The following SYN2 variants were observed in gnomAD, a reference collection of about 807,000 sequenced individuals.
SYN2 encodes synapsin II, also known as synapsin-2.
A neutral mutation model predicts 50.9 loss-of-function variants in SYN2; 19 were observed. The ratio of observed to expected loss-of-function variants is 0.37; its 90% confidence interval spans 0.26 to 0.55. SYN2 has a LOEUF of 0.55. Ranked by LOEUF, SYN2 falls within the 20% of genes least tolerant of loss-of-function variation. The probability of loss-of-function intolerance (pLI) is 0.81; values close to 1 mark genes in which losing one functional copy is unlikely to be tolerated. For synonymous variants in SYN2, 255 were observed against 224.9 expected, an observed-to-expected ratio of 1.13 and a Z score of -1.20; for missense variants, 587 against 576.4, an observed-to-expected ratio of 1.02 and a Z score of -0.19.
At chr3:12,183,562 G>C (rs1698272152) in intron 11 of SYN2, 190 bp downstream of exon 11, 1 of 1,512,300 alleles carries the variant, frequency 6.6e-7, no homozygotes, top group Non-Finnish European at 8.8e-7. Flanking sequence ...AATGCTGACT[G>C]GACTGTGTTT....
At chr3:12,129,888 G>C (rs1696756072) in intron 1 of SYN2, among the ~76,000 whole-genome samples, 1 of 152,126 alleles carries the variant, frequency 6.6e-6, no homozygotes, top group South Asian at 2.1e-4. Flanking sequence ...ATTAGGTTGA[G>C]ATGAGGTCAT....
chr3:12,080,844 G>A (rs934411088), intron 1 of SYN2, among the ~76,000 whole-genome samples: 2 of 152,250 alleles, frequency 1.3e-5, no homozygotes, highest in East Asian at 3.9e-4. Flanking sequence ...CTGAGTCCAA[G>A]TCCTGAATAT....
intron 1 of SYN2, among the ~76,000 whole-genome samples, chr3:12,114,658 C>T (rs1696390993): frequency 1.3e-5 from 2 of 151,834 alleles, no homozygotes; most frequent in African/African-American, 4.8e-5. Flanking sequence ...CTGTAAAATC[C>T]CTTCAACTCT....
At chr3:12,094,623 A>T (rs993990630) in intron 1 of SYN2, among the ~76,000 whole-genome samples, 2 of 152,204 alleles carry the variant, frequency 1.3e-5, no homozygotes, top group Non-Finnish European at 2.9e-5. Flanking sequence ...GGTGAGTGTA[A>T]TACCTACTCT....
At position 12,143,927 on chromosome 3, in the gene SYN2, G is replaced by A. The variant is rs1266588239; in HGVS notation, c.528-1752G>A. On this transcript the variant is annotated intron_variant, in intron 3 of 12. Transcript: ENST00000621198. ...CAACGATGTAAAAGCTTAAGTCCTC[G>A]AGTGGCCAAGGAAGGCTCCTTCAAC... is the stretch of plus-strand genomic sequence containing the variant. 5.9e-5 allele frequency among the ~76,000 whole-genome samples: 9 copies of A among 152,280 alleles called. No homozygotes were observed. In the South Asian group the frequency reaches 1.0e-3, roughly 18 times the overall value.
chr3:12,101,101 C>T (rs1302542694), intron 1 of SYN2, among the ~76,000 whole-genome samples: 2 of 152,148 alleles, frequency 1.3e-5, no homozygotes, highest in Non-Finnish European at 2.9e-5. Context: ...TCTAGAGTTA[C>T]CATATGATCC....
chr3:12,165,555 CACCT>C (rs146305046), intron 7 of SYN2: 171 of 152,302 alleles, frequency 1.1e-3, no homozygotes, highest in African/African-American at 3.9e-3. Flanking sequence ...AGAAAGTTAA[CACCT>C]ACAGACAGAA....
intron 1 of SYN2, among the ~76,000 whole-genome samples, chr3:12,102,726 A>T (rs1696103930): frequency 6.6e-6 from 1 of 152,132 alleles, no homozygotes; most frequent in Non-Finnish European, 1.5e-5. Context: ...AAAGTAGATG[A>T]CTGAGAGTTG....
At chr3:12,169,453 C>T (rs745795432) in intron 9 of SYN2, among the ~76,000 whole-genome samples, 6 of 152,192 alleles carry the variant, frequency 3.9e-5, no homozygotes, top group Non-Finnish European at 7.3e-5. Flanking sequence ...CAAACTTTTG[C>T]GCCCTGAGGC....
At chr3:12,142,861 C>T (rs544943900) in intron 3 of SYN2, among the ~76,000 whole-genome samples, 1 of 152,304 alleles carries the variant, frequency 6.6e-6, no homozygotes, top group East Asian at 1.9e-4. Context: ...CCAACAGGAA[C>T]TGGATTGGTG....
chr3:12,052,664 TAGG>T (rs1320630329), intron 1 of SYN2, among the ~76,000 whole-genome samples: 1 of 152,126 alleles, frequency 6.6e-6, no homozygotes, highest in African/African-American at 2.4e-5. Flanking sequence ...GATGGATTGG[TAGG>T]AGGAGAGACT....
chr3:12,180,350 A>G (rs1157333520), intron 10 of SYN2, among the ~76,000 whole-genome samples: 2 of 152,290 alleles, frequency 1.3e-5, no homozygotes, highest in East Asian at 1.9e-4. Context: ...GTTTGAATCA[A>G]TCCAACTTCC....
At chr3:12,061,482 T>C (rs1211569835) in intron 1 of SYN2, among the ~76,000 whole-genome samples, 3 of 152,054 alleles carry the variant, frequency 2.0e-5, no homozygotes, top group African/African-American at 7.2e-5. Flanking sequence ...TCCCTAAGAT[T>C]GAGAATGAGG....
At chr3:12,093,399 G>C (rs1695868299) in intron 1 of SYN2, among the ~76,000 whole-genome samples, 1 of 152,154 alleles carries the variant, frequency 6.6e-6, no homozygotes, top group Non-Finnish European at 1.5e-5. Flanking sequence ...GACCCACTTT[G>C]ACAAGTGTGA....
chr3:12,096,148 A>G (rs1375879302), intron 1 of SYN2, among the ~76,000 whole-genome samples: 1 of 152,192 alleles, frequency 6.6e-6, no homozygotes, highest in Non-Finnish European at 1.5e-5. Flanking sequence ...ATCTCATGTC[A>G]TCCATTTCTC....
At chr3:12,159,515 G>A (rs1336327296) in intron 5 of SYN2, among the ~76,000 whole-genome samples, 1 of 152,148 alleles carries the variant, frequency 6.6e-6, no homozygotes, top group African/African-American at 2.4e-5. Context: ...GGGGTGGGGA[G>A]AGATGTCAAA....
intron 1 of SYN2, among the ~76,000 whole-genome samples, chr3:12,027,938 G>A (rs1285322863): frequency 8.4e-6 from 1 of 119,498 alleles, no homozygotes; most frequent in African/African-American, 2.7e-5. Context: ...GAGGAAAGAG[G>A]TTATAAGTAA....
intron 1 of SYN2, among the ~76,000 whole-genome samples, chr3:12,103,019 TC>T (rs1696109774): frequency 6.6e-6 from 1 of 152,124 alleles, no homozygotes; most frequent in Non-Finnish European, 1.5e-5. Flanking sequence ...CAGATACAGT[TC>T]TACAAGCTTT....
intron 1 of SYN2, among the ~76,000 whole-genome samples, chr3:12,124,846 T>C (rs563807112): frequency 6.6e-6 from 1 of 152,112 alleles, no homozygotes; most frequent in African/African-American, 2.4e-5. Context: ...GGGGAAGGGA[T>C]GTAGAGGAAT....
Sources: gnomAD v4.1 joint callset for allele counts (sites outside exome capture counted in the v4.1 genomes callset) on GRCh38, gnomAD v4.1.1 for gene constraint, MANE v1.5 for transcripts, NCBI Gene and HGNC (gene_info 2026-07-23, HGNC 2026-07-21) for gene names.